CFAP20DC: variants seen among roughly 807,000 people sequenced by gnomAD.
CFAP20DC encodes CFAP20 domain containing, also known as protein CFAP20DC.
Under a neutral mutation model 101.7 loss-of-function variants are expected in CFAP20DC, and 84 were observed. The observed-to-expected ratio is 0.83, with a 90% CI of 0.69 to 0.99. The LOEUF (loss-of-function observed/expected upper bound fraction) is 0.99. Among genes scored for constraint, CFAP20DC ranks in the 50% least tolerant of loss-of-function variants. The pLI is 0.00. For synonymous variants in CFAP20DC, 359 were observed against 351.2 expected (o/e 1.02, Z -0.25); for missense variants, 1,007 against 970.3 (o/e 1.04, Z -0.50).
chr3:58,872,800 C>T (rs2080346565), intron 7 of CFAP20DC, among the ~76,000 whole-genome samples: 3 of 151,910 alleles, frequency 2.0e-5, no homozygotes, highest in Admixed American at 6.6e-5. Flanking sequence ...ATTTTGAAGG[C>T]ATTTGAGCAG....
chr3:58,744,626 G>C (rs968839978), intron 16 of CFAP20DC, among the ~76,000 whole-genome samples: 3 of 152,082 alleles, frequency 2.0e-5, no homozygotes, highest in African/African-American at 7.2e-5. Flanking sequence ...CTCCAGAAAA[G>C]AGAAAGCTTG....
chr3:58,934,998 T>C (rs1435654026), intron 5 of CFAP20DC, among the ~76,000 whole-genome samples: 1 of 152,182 alleles, frequency 6.6e-6, no homozygotes, highest in East Asian at 1.9e-4. Context: ...TGTTTGCAGA[T>C]GACATGATTG....
At chr3:59,008,586 A>T (rs1293227040) in intron 4 of CFAP20DC, among the ~76,000 whole-genome samples, 1 of 152,176 alleles carries the variant, frequency 6.6e-6, no homozygotes, top group African/African-American at 2.4e-5. Flanking sequence ...GGAAACCATC[A>T]TTCTCAGCAA....
At chr3:59,031,449 TA>T (rs1312026928) in intron 4 of CFAP20DC, among the ~76,000 whole-genome samples, 1 of 152,198 alleles carries the variant, frequency 6.6e-6, no homozygotes, top group East Asian at 1.9e-4. Flanking sequence ...ACACTGAAAA[TA>T]AAGTTTTGTG....
intron 13 of CFAP20DC, among the ~76,000 whole-genome samples, chr3:58,847,586 A>G (rs2108281090): frequency 6.6e-6 from 1 of 152,284 alleles, no homozygotes; most frequent in Middle Eastern, 3.4e-3. Context: ...AAACTAGTTC[A>G]ACCGTTGTGG....
At chr3:59,029,153 T>C (rs557565666) in intron 4 of CFAP20DC, among the ~76,000 whole-genome samples, 2 of 152,288 alleles carry the variant, frequency 1.3e-5, no homozygotes, top group Non-Finnish European at 2.9e-5. Context: ...CTTCATTCAT[T>C]AGTCCACCCA....
In CFAP20DC at chr3:58,863,289, A is replaced by G; in HGVS notation, c.1593+269T>C. On this transcript the variant is annotated intron_variant, in intron 12 of 16. Coordinates refer to ENST00000482387, the MANE Select transcript of CFAP20DC (RefSeq NM_001394063.1). The surrounding 1 kb of genome is among the most constrained non-coding windows in gnomAD (Gnocchi z 5.9). ...ACTGCATATCGTTTCTCATCCTGTG[A>G]TTCAAAGATTAAAATGAAAAAACAG... is the stretch of plus-strand genomic sequence containing the variant. 7.1e-7 allele frequency: 1 copy of G among 1,409,602 alleles called. No individual in the cohort carries two copies. The highest frequency in any genetic ancestry group is 9.2e-7 in the Non-Finnish European group (1 of 1,090,804). The allele number at this position is 1,409,602 out of a possible 1,614,324, so 87.3% of individuals were successfully genotyped here.
chr3:58,734,001 G>A (rs2067697436), intron 3 of CFAP20DC, among the ~76,000 whole-genome samples: 1 of 152,234 alleles, frequency 6.6e-6, no homozygotes, highest in African/African-American at 2.4e-5. Flanking sequence ...GTAAGCCCGT[G>A]TTGGGGGAGG....
chr3:58,930,803 A>C (rs2086539244), intron 5 of CFAP20DC, among the ~76,000 whole-genome samples: 1 of 151,924 alleles, frequency 6.6e-6, no homozygotes, highest in Non-Finnish European at 1.5e-5. Context: ...AGATGGCCGA[A>C]TAGGAACAGC....
intron 4 of CFAP20DC, among the ~76,000 whole-genome samples, chr3:58,940,293 A>C (rs2088355578): frequency 6.6e-6 from 1 of 152,230 alleles, no homozygotes; most frequent in African/African-American, 2.4e-5. Context: ...AAGGCAGGTG[A>C]ATTTTCATGA....
In CFAP20DC at chr3:58,914,603, G is replaced by C. The variant is rs901724215; in HGVS notation, c.394-739C>G. ...ATGAAAAGTAGTATTAAAGTTTTAT[G>C]TGCTTCTTTTAAAATATTGGGCTCT... is the stretch of plus-strand genomic sequence containing the variant. On this transcript the variant is annotated intron_variant, in intron 5 of 16. Transcript: ENST00000482387. The surrounding 1 kb of genome is among the most constrained non-coding windows in gnomAD (Gnocchi z 4.9). Among the ~76,000 whole-genome samples, 1 of 151,362 alleles carries C rather than the reference G, an allele frequency of 6.6e-6. No individual in the cohort carries two copies. The highest frequency in any genetic ancestry group is 1.5e-5 in the Non-Finnish European group (1 of 67,840).
rs2081598995 is a variant in CFAP20DC at position 58,886,033 on chromosome 3, T to C, written c.551-1324A>G. On this transcript the variant is annotated intron_variant, in intron 6 of 16. Transcript: ENST00000482387. ...TTTACTTATATGACCTCTTTTATAG[T>C]AAATATATTAAGCTTTGTCATTTGT... Among the ~76,000 whole-genome samples the C allele has an allele frequency of 2.6e-5, 4 of 152,154 alleles. No individual in the cohort carries two copies. In the South Asian group the frequency reaches 8.3e-4, roughly 31 times the overall value.
intron 6 of CFAP20DC, among the ~76,000 whole-genome samples, chr3:58,889,010 T>A (rs1194475343): frequency 6.6e-6 from 1 of 152,164 alleles, no homozygotes; most frequent in Non-Finnish European, 1.5e-5. Flanking sequence ...TACTTTTTTT[T>A]TTAATTTTAG....
At chr3:58,875,463 G>C (rs183410281) in intron 7 of CFAP20DC, among the ~76,000 whole-genome samples, 1 of 152,208 alleles carries the variant, frequency 6.6e-6, no homozygotes, top group East Asian at 1.9e-4. Flanking sequence ...AGTAATGAAG[G>C]GCTCTGTGGG....
At chr3:58,946,547 GTTAT>G (rs1397980171) in intron 4 of CFAP20DC, among the ~76,000 whole-genome samples, 7 of 152,126 alleles carry the variant, frequency 4.6e-5, no homozygotes, top group African/African-American at 1.7e-4. Flanking sequence ...TGTCTTGTTT[GTTAT>G]TCAGGGACCT....
chr3:58,733,978 C>G (rs151252854), intron 3 of CFAP20DC, among the ~76,000 whole-genome samples: 2,079 of 152,286 alleles, frequency 0.014, 39 homozygotes, highest in African/African-American at 0.046. Context: ...CCACCCAAAT[C>G]TCATGTTGAA....
At chr3:58,959,374 G>T (rs913772042) in intron 4 of CFAP20DC, among the ~76,000 whole-genome samples, 1 of 152,196 alleles carries the variant, frequency 6.6e-6, no homozygotes, top group Non-Finnish European at 1.5e-5. Context: ...GATTACAGGC[G>T]TAAGCCACTG....
intron 4 of CFAP20DC, among the ~76,000 whole-genome samples, chr3:59,035,370 T>G (rs569417789): frequency 6.6e-6 from 1 of 151,940 alleles, no homozygotes; most frequent in South Asian, 2.1e-4. Flanking sequence ...GATAGAGACA[T>G]GAAGAACCCT....
Position 58,861,974 on chromosome 3 carries a change from TTAAG to T in CFAP20DC, c.1593+1580_1593+1583del. The T allele has an allele frequency of 1.0e-6, 1 of 985,126 alleles. No individual in the cohort carries two copies. Among genetic ancestry groups the T allele is most frequent in the Non-Finnish European group, 1.2e-6 (1 of 829,636 alleles). The allele number at this position is 985,126 out of a possible 1,614,324, so 61.0% of individuals were successfully genotyped here. ...AGAGTAGCTACAGCAAAAGAAAGCA[TTAAG>T]TGATATCAAATTAAAATATTCAGAG... On this transcript the variant is annotated intron_variant, in intron 12 of 16. Transcript: ENST00000482387. The surrounding 1 kb of genome is among the most constrained non-coding windows in gnomAD (Gnocchi z 4.0).
Sources: gnomAD v4.1 joint callset for allele counts (sites outside exome capture counted in the v4.1 genomes callset) on GRCh38, gnomAD v4.1.1 for gene constraint, Gnocchi (gnomAD v3.1) non-coding constraint, MANE v1.5 for transcripts, NCBI Gene and HGNC (gene_info 2026-07-23, HGNC 2026-07-21) for gene names.